Variants in PRKCE observed in about 807,000 individuals in gnomAD.
PRKCE encodes protein kinase C epsilon type.
In PRKCE, 16 loss-of-function variants were observed where a neutral mutation model predicts 85.4. That is an observed-to-expected ratio of 0.19 (90% confidence interval 0.13 to 0.28). The LOEUF is 0.28. PRKCE is among the 10% of genes least tolerant of loss of function. PRKCE has a pLI of 1.00. For synonymous variants in PRKCE, 388 were observed against 371.5 expected, an observed-to-expected ratio of 1.04 and a Z score of -0.51; for missense variants, 573 against 975.2, an observed-to-expected ratio of 0.59 and a Z score of 5.49.
At chr2:45,770,108 TTGGG>T (rs1229383548) in intron 1 of PRKCE, among the ~76,000 whole-genome samples, 1 of 152,206 alleles carries the variant, frequency 6.6e-6, no homozygotes, top group African/African-American at 2.4e-5. Context: ...ATCCCCTCTC[TTGGG>T]TGGCTCCTGC....
chr2:45,815,455 A>C (rs745719044), intron 1 of PRKCE, among the ~76,000 whole-genome samples: 9 of 151,936 alleles, frequency 5.9e-5, no homozygotes, highest in Non-Finnish European at 1.3e-4. Flanking sequence ...ACATTCCCCT[A>C]TTCTTAGTTT....
chr2:46,168,409 G>A (rs1678559268), intron 14 of PRKCE, among the ~76,000 whole-genome samples: 1 of 152,198 alleles, frequency 6.6e-6, no homozygotes, highest in Non-Finnish European at 1.5e-5. Context: ...TCCTAGAGGA[G>A]CTGGAACTTG....
chr2:45,856,468 T>A (rs777077680), intron 2 of PRKCE, among the ~76,000 whole-genome samples: 13 of 152,230 alleles, frequency 8.5e-5, no homozygotes, highest in Middle Eastern at 3.2e-3. Flanking sequence ...TGACCTCAAG[T>A]GATCCACCCA....
At chr2:45,693,862 G>A (rs150952227) in intron 1 of PRKCE, among the ~76,000 whole-genome samples, 25 of 152,180 alleles carry the variant, frequency 1.6e-4, no homozygotes, top group African/African-American at 5.3e-4. Context: ...TTGATAAGGC[G>A]AATTCTGGAA....
At chr2:45,810,703 C>A (rs1247593584) in intron 1 of PRKCE, among the ~76,000 whole-genome samples, 2 of 152,180 alleles carry the variant, frequency 1.3e-5, no homozygotes, top group African/African-American at 4.8e-5. Context: ...CCTGCCTCAG[C>A]CTCCTAAGTA....
chr2:46,105,203 C>G (rs1246995642), intron 11 of PRKCE, among the ~76,000 whole-genome samples: 2 of 152,056 alleles, frequency 1.3e-5, no homozygotes, highest in African/African-American at 2.4e-5. Flanking sequence ...CTGAAATTAT[C>G]AAACCATCCT....
At chr2:46,017,680 G>A (rs973368599) in intron 10 of PRKCE, among the ~76,000 whole-genome samples, 1 of 152,082 alleles carries the variant, frequency 6.6e-6, no homozygotes, top group African/African-American at 2.4e-5. Context: ...AGTGCACCAG[G>A]GTTCTGATCT....
chr2:46,174,895 G>A (rs1679276174), intron 14 of PRKCE, among the ~76,000 whole-genome samples: 1 of 151,360 alleles, frequency 6.6e-6, no homozygotes, highest in African/African-American at 2.4e-5. Context: ...CTCACTATGT[G>A]GCCCAGGCTG....
chr2:45,772,325 T>C (rs896105619), intron 1 of PRKCE, among the ~76,000 whole-genome samples: 1 of 147,934 alleles, frequency 6.8e-6, no homozygotes, highest in African/African-American at 2.5e-5. Flanking sequence ...GGAGTAAAAG[T>C]AACCTAAGGA....
At chr2:46,114,395 C>A (rs1278718586) in intron 11 of PRKCE, among the ~76,000 whole-genome samples, 1 of 149,350 alleles carries the variant, frequency 6.7e-6, no homozygotes, top group South Asian at 2.1e-4. Context: ...ATTGCCCTCC[C>A]AGAGTCCAAG....
intron 10 of PRKCE, among the ~76,000 whole-genome samples, chr2:46,058,605 G>C (rs565738008): frequency 3.3e-5 from 5 of 152,174 alleles, no homozygotes; most frequent in Non-Finnish European, 7.3e-5. Context: ...CCTGGTGGCG[G>C]AGTGTCGGAC....
At chr2:46,059,155 C>G (rs929083907) in intron 10 of PRKCE, among the ~76,000 whole-genome samples, 25 of 151,852 alleles carry the variant, frequency 1.6e-4, no homozygotes, top group African/African-American at 5.6e-4. Context: ...GGAGGCTGAG[C>G]CATGAGGATC....
rs1191606070 is a variant in PRKCE, at chr2:45,958,839, T to A, written c.413-17590T>A. On this transcript the variant is annotated intron_variant, in intron 2 of 14. Coordinates refer to ENST00000306156, the MANE Select transcript of PRKCE (RefSeq NM_005400.3). Reference sequence around the variant, plus strand: ...ATATTTTTTTTTTTTTTTTTTTTTTTTTTTTTTTTTTTTTTTAATAGAATC... The same window carrying A: ...ATATTTTTTTTTTTTTTTTTTTTTTATTTTTTTTTTTTTTTTAATAGAATC... Among the ~76,000 whole-genome samples the A allele has an allele frequency of 1.7e-3, 185 of 108,036 alleles. 5 individuals carry two copies. Among genetic ancestry groups the A allele is most frequent in the African/African-American group, 5.5e-3 (162 of 29,668 alleles). 70.9% of individuals were successfully genotyped at this position (108,036 alleles called of 152,430 possible). A position where few individuals can be genotyped will look rare whatever the true frequency, so the allele number is the denominator to read the frequency against.
chr2:45,744,477 C>CT (rs760518752), intron 1 of PRKCE, among the ~76,000 whole-genome samples: 847 of 45,444 alleles, frequency 0.019, 32 homozygotes, highest in Non-Finnish European at 0.026. Flanking sequence ...TTCTTTCTTT[C>CT]TTTCTTTCTT....
chr2:45,716,604 G>A (rs1185333006), intron 1 of PRKCE, among the ~76,000 whole-genome samples: 2 of 142,774 alleles, frequency 1.4e-5, no homozygotes, highest in Admixed American at 7.2e-5. Flanking sequence ...AGGAAGGAGA[G>A]GGAGAAGAAG....
intron 11 of PRKCE, among the ~76,000 whole-genome samples, chr2:46,142,056 A>C (rs950882462): frequency 1.3e-5 from 2 of 152,190 alleles, no homozygotes; most frequent in Non-Finnish European, 2.9e-5. Flanking sequence ...AGGAATGAGG[A>C]GTGGAAATTC....
chr2:45,899,238 T>C (rs1696383831), intron 2 of PRKCE, among the ~76,000 whole-genome samples: 2 of 152,188 alleles, frequency 1.3e-5, no homozygotes, highest in South Asian at 4.1e-4. Context: ...GTCTGAAAAC[T>C]TTGTCTTTGG....
intron 1 of PRKCE, among the ~76,000 whole-genome samples, chr2:45,721,460 C>T (rs1573062868): frequency 1.3e-5 from 2 of 152,172 alleles, no homozygotes; most frequent in East Asian, 3.9e-4. Context: ...GTGGAATTCT[C>T]AGACGGATGG....
At chr2:45,682,727 C>T (rs1055526214) in intron 1 of PRKCE, among the ~76,000 whole-genome samples, 8 of 152,298 alleles carry the variant, frequency 5.3e-5, no homozygotes, top group African/African-American at 1.7e-4. Context: ...GCTGGGATTA[C>T]AGGCATGTGC....
Sources: allele counts gnomAD v4.1 joint callset (sites outside exome capture counted in the v4.1 genomes callset), GRCh38; gene constraint gnomAD v4.1.1; transcripts MANE v1.5; gene names NCBI Gene and HGNC (gene_info 2026-07-23, HGNC 2026-07-21).